Variants in CCDC85A observed in about 807,000 individuals in gnomAD.
CCDC85A encodes the protein coiled-coil domain containing 85A, also known as coiled-coil domain-containing protein 85A.
A neutral mutation model predicts 50.2 loss-of-function variants in CCDC85A; 38 were observed. That is an observed-to-expected ratio of 0.76 (90% CI 0.58 to 0.99). CCDC85A has a LOEUF of 0.99. Among genes scored for constraint, CCDC85A ranks in the 50% least tolerant of loss-of-function variants. CCDC85A has a pLI of 0.00. For missense variants in CCDC85A, 820 were observed against 742.0 expected, an observed-to-expected ratio of 1.11 and a Z score of -1.22; for synonymous variants, 366 against 301.4, an observed-to-expected ratio of 1.21 and a Z score of -2.22.
At chr2:56,363,341 C>G (rs1305312789) in intron 3 of CCDC85A, among the ~76,000 whole-genome samples, 3 of 152,166 alleles carry the variant, frequency 2.0e-5, no homozygotes, top group Non-Finnish European at 4.4e-5. Context: ...ATTTTGGCTA[C>G]TCTCGTTTCT....
At chr2:56,249,912 T>C (rs771997430) in intron 2 of CCDC85A, among the ~76,000 whole-genome samples, 17 of 152,208 alleles carry the variant, frequency 1.1e-4, no homozygotes, top group Middle Eastern at 3.2e-3. Context: ...TGCTGTAACA[T>C]TGCCAGGCCC....
intron 4 of CCDC85A, among the ~76,000 whole-genome samples, chr2:56,374,422 A>G (rs1676235427): frequency 6.6e-6 from 1 of 152,202 alleles, no homozygotes; most frequent in Non-Finnish European, 1.5e-5. Context: ...GTTAATAATA[A>G]TAAACTTTCC....
At chr2:56,193,505 A>G in intron 2 of CCDC85A, 65 bp downstream of exon 2, 1 of 1,481,586 alleles carries the variant, frequency 6.7e-7, no homozygotes, top group East Asian at 2.4e-5. Flanking sequence ...ACGAATGATG[A>G]TGGACTTTCC....
chr2:56,255,786 G>A (rs1335731373), intron 2 of CCDC85A, among the ~76,000 whole-genome samples: 1 of 152,038 alleles, frequency 6.6e-6, no homozygotes, highest in Non-Finnish European at 1.5e-5. Context: ...TTTTATGAGG[G>A]ATAGAGGAGA....
At chr2:56,205,495 C>A (rs539089449) in intron 2 of CCDC85A, among the ~76,000 whole-genome samples, 1 of 152,170 alleles carries the variant, frequency 6.6e-6, no homozygotes, top group Non-Finnish European at 1.5e-5. Context: ...GGAAGCCATG[C>A]ATGCTAAATA....
chr2:56,362,072 A>T (rs895386884), intron 3 of CCDC85A, among the ~76,000 whole-genome samples: 3 of 152,112 alleles, frequency 2.0e-5, no homozygotes, highest in African/African-American at 7.2e-5. Flanking sequence ...AAGGAAAGGG[A>T]CTGCATACGG....
intron 5 of CCDC85A, among the ~76,000 whole-genome samples, chr2:56,380,300 T>C (rs1676521767): frequency 6.6e-6 from 1 of 152,158 alleles, no homozygotes; most frequent in African/African-American, 2.4e-5. Context: ...TCTTCATATG[T>C]CATATATGTG....
chr2:56,343,124 T>C (rs1381853145), intron 3 of CCDC85A, among the ~76,000 whole-genome samples, 169 bp downstream of exon 3: 1 of 152,238 alleles, frequency 6.6e-6, no homozygotes, highest in Non-Finnish European at 1.5e-5. Flanking sequence ...GCCATCATCT[T>C]ATCCAGATTT....
chr2:56,190,872 G>T (rs1440690912), intron 1 of CCDC85A, among the ~76,000 whole-genome samples: 6 of 152,092 alleles, frequency 3.9e-5, no homozygotes, highest in African/African-American at 1.4e-4. Context: ...ACACAACTAT[G>T]GAGATTCTTT....
intron 2 of CCDC85A, among the ~76,000 whole-genome samples, chr2:56,280,602 C>A (rs909251549): frequency 4.6e-5 from 7 of 152,108 alleles, no homozygotes; most frequent in Non-Finnish European, 7.4e-5. Context: ...CAAAGACAAT[C>A]CCCTCCCCCA....
chr2:56,339,572 A>G (rs1024624703), intron 2 of CCDC85A, among the ~76,000 whole-genome samples: 4 of 152,242 alleles, frequency 2.6e-5, no homozygotes, highest in African/African-American at 7.2e-5. Context: ...ACCTGACTCA[A>G]TCTGTGTAGT....
chr2:56,201,076 C>CCACA lies in CCDC85A; in HGVS notation c.1240+7682_1240+7685dup, dbSNP rs72152096. On this transcript the variant is annotated intron_variant, in intron 2 of 5. Coordinates refer to ENST00000407595, the MANE Select transcript of CCDC85A (RefSeq NM_001080433.2). ...ACTATTTCAATTATTTCATCTCTCT[C>CCACA]CACACACACACACACACACACACAC... is the stretch of plus-strand genomic sequence containing the variant. Among the ~76,000 whole-genome samples the CCACA allele has an allele frequency of 1.3e-3, 187 of 147,378 alleles. 2 individuals carry two copies. The highest frequency in any genetic ancestry group is 8.2e-3 in the Admixed American group (122 of 14,796).
chr2:56,208,403 A>G (rs1281318247), intron 2 of CCDC85A, among the ~76,000 whole-genome samples: 2 of 152,280 alleles, frequency 1.3e-5, no homozygotes, highest in East Asian at 3.9e-4. Context: ...ATCAACCGAC[A>G]TTGACTTTGG....
At chr2:56,263,749 C>G (rs867626206) in intron 2 of CCDC85A, among the ~76,000 whole-genome samples, 3 of 152,196 alleles carry the variant, frequency 2.0e-5, no homozygotes, top group East Asian at 1.9e-4. Flanking sequence ...TCCTTTTACA[C>G]TGGGGCAAAT....
intron 2 of CCDC85A, among the ~76,000 whole-genome samples, chr2:56,219,056 T>A (rs1011898317): frequency 1.3e-5 from 2 of 151,078 alleles, no homozygotes; most frequent in African/African-American, 2.4e-5. Flanking sequence ...TGAACTGAAA[T>A]GATCATGGGT....
chr2:56,366,914 T>G (rs566423164), intron 3 of CCDC85A, among the ~76,000 whole-genome samples: 9 of 152,350 alleles, frequency 5.9e-5, no homozygotes, highest in African/African-American at 2.2e-4. Context: ...TATCTTTTTA[T>G]CTATTTAATC....
At chr2:56,315,024 G>A (rs1672858905) in intron 2 of CCDC85A, among the ~76,000 whole-genome samples, 1 of 152,084 alleles carries the variant, frequency 6.6e-6, no homozygotes, top group Non-Finnish European at 1.5e-5. Context: ...TGCCTTACTA[G>A]AAGAACTTCT....
chr2:56,351,246 CTAT>C (rs1048986843), intron 3 of CCDC85A, among the ~76,000 whole-genome samples: 5 of 152,138 alleles, frequency 3.3e-5, no homozygotes, highest in Admixed American at 2.0e-4. Context: ...TTAATCCAGT[CTAT>C]TATTGTTGGA....
At chr2:56,202,470 A>G (rs752723268) in intron 2 of CCDC85A, among the ~76,000 whole-genome samples, 1 of 152,200 alleles carries the variant, frequency 6.6e-6, no homozygotes, top group Non-Finnish European at 1.5e-5. Flanking sequence ...TGGTCCTTAC[A>G]TAGCCACTTG....
Sources: gnomAD v4.1 joint callset for allele counts (sites outside exome capture counted in the v4.1 genomes callset) on GRCh38, gnomAD v4.1.1 for gene constraint, MANE v1.5 for transcripts, NCBI Gene and HGNC (gene_info 2026-07-23, HGNC 2026-07-21) for gene names.